The following CEP83 variants were observed in gnomAD, a reference collection of about 807,000 sequenced individuals.
CEP83 encodes the protein centrosomal protein 83.
CEP83 carries 70 observed loss-of-function variants against 101.9 expected under a neutral mutation model. The observed-to-expected ratio is 0.69, with a 90% CI of 0.57 to 0.84. CEP83 has a LOEUF of 0.84. CEP83 is among the 40% of genes least tolerant of loss of function. The probability of loss-of-function intolerance (pLI) is 0.00; values close to 1 mark genes in which losing one functional copy is unlikely to be tolerated. For synonymous variants in CEP83, 264 were observed against 267.9 expected, an observed-to-expected ratio of 0.99 and a Z score of 0.14; for missense variants, 715 against 787.2, an observed-to-expected ratio of 0.91 and a Z score of 1.10.
chr12:94,412,369 C>T lies in CEP83; in HGVS notation c.122G>A (p.Arg41Gln), dbSNP rs1288256034. 4 of 1,613,158 alleles carry T rather than the reference C, an allele frequency of 2.5e-6. No homozygotes were observed. Among genetic ancestry groups the T allele is most frequent in the East Asian group, 2.2e-5 (1 of 44,806 alleles). The change falls in exon 3 of 17, where the codon CGA becomes CAA. Residue 41 changes from arginine (R) to glutamine (Q), a missense_variant. Transcript: ENST00000397809. ...FQKMLIDERL[R>Q]CEHHKANYQT... ...ATAATTAGCTTTATGATGCTCACAT[C>T]GTAACCTTTCATCAATTAACATTTT...
chr12:94,286,616 C>CAAA, the CEP83 span, among the ~76,000 whole-genome samples: 22 of 101,396 alleles, frequency 2.2e-4, no homozygotes, highest in African/African-American at 6.0e-4. Context: ...TGCTTAAAAG[C>CAAA]AAAAAAAAAA....
chr12:94,397,350 T>C (rs972950420), intron 6 of CEP83, among the ~76,000 whole-genome samples: 2 of 151,992 alleles, frequency 1.3e-5, no homozygotes, highest in Non-Finnish European at 2.9e-5. Context: ...AATACAATAA[T>C]TAGCCAGGCA....
intron 2 of CEP83, among the ~76,000 whole-genome samples, chr12:94,429,621 A>T (rs2065468925): frequency 6.6e-6 from 1 of 152,154 alleles, no homozygotes; most frequent in African/African-American, 2.4e-5. Context: ...CTCTGGCTCC[A>T]ATCTCAGCCA....
intron 2 of CEP83, among the ~76,000 whole-genome samples, chr12:94,430,661 A>C (rs905408974): frequency 1.1e-4 from 17 of 152,220 alleles, no homozygotes; most frequent in Non-Finnish European, 1.0e-4. Context: ...TCAGAGTCTC[A>C]TAAGGCAAAG....
At chr12:94,448,574 T>C (rs912361479) in intron 1 of CEP83, among the ~76,000 whole-genome samples, 4 of 152,006 alleles carry the variant, frequency 2.6e-5, no homozygotes, top group African/African-American at 9.7e-5. Context: ...ATTGAACTCA[T>C]AAAAAATGTG....
chr12:94,375,664 GAACTA>G (rs1294398214), intron 8 of CEP83, among the ~76,000 whole-genome samples: 1 of 152,048 alleles, frequency 6.6e-6, no homozygotes, highest in Non-Finnish European at 1.5e-5. Context: ...TCAATACAGA[GAACTA>G]AACACAAAAT....
chr12:94,335,730 A>G, intron 11 of CEP83, 66 bp from the exon 12 acceptor site: 1 of 1,077,144 alleles, frequency 9.3e-7, no homozygotes, highest in Non-Finnish European at 1.4e-6. Flanking sequence ...CACTGAATTA[A>G]AGAGTCATTT....
At chr12:94,376,749 T>TA (rs1566025814) in intron 7 of CEP83, among the ~76,000 whole-genome samples, 6 of 126,086 alleles carry the variant, frequency 4.8e-5, no homozygotes, top group African/African-American at 1.8e-4. Flanking sequence ...ATATATATAT[T>TA]TTTTTTTTGA....
At chr12:94,359,546 G>A (rs573888149) in intron 11 of CEP83, among the ~76,000 whole-genome samples, 1 of 152,100 alleles carries the variant, frequency 6.6e-6, no homozygotes, top group South Asian at 2.1e-4. Context: ...TGGATAAATT[G>A]CTAAACACAC....
At chr12:94,320,619 A>G (rs1168549757) in intron 14 of CEP83, among the ~76,000 whole-genome samples, 3 of 152,148 alleles carry the variant, frequency 2.0e-5, no homozygotes, top group Non-Finnish European at 4.4e-5. Flanking sequence ...GTATTTGCTT[A>G]TCTAAAAAGG....
intron 6 of CEP83, among the ~76,000 whole-genome samples, chr12:94,383,052 T>A (rs959012387): frequency 2.0e-5 from 3 of 152,080 alleles, no homozygotes; most frequent in Non-Finnish European, 4.4e-5. Context: ...CTGGTGCACA[T>A]ACATTTAGTA....
intron 1 of CEP83, among the ~76,000 whole-genome samples, chr12:94,439,864 C>G (rs2066270374): frequency 6.6e-6 from 1 of 152,202 alleles, no homozygotes; most frequent in African/African-American, 2.4e-5. Context: ...GGTTTTATAC[C>G]AGGGATGCAG....
intron 11 of CEP83, among the ~76,000 whole-genome samples, chr12:94,350,049 ATT>A (rs1370349897): frequency 6.6e-6 from 1 of 152,218 alleles, no homozygotes; most frequent in Non-Finnish European, 1.5e-5. Context: ...AAGATTCAAT[ATT>A]GTTGAGATGT....
intron 14 of CEP83, among the ~76,000 whole-genome samples, chr12:94,313,525 A>AT (rs1268523490): frequency 1.2e-4 from 12 of 99,702 alleles, no homozygotes; most frequent in African/African-American, 2.6e-4. Flanking sequence ...TCAAGAACCC[A>AT]TTAAAAAAAA....
At chr12:94,424,404 C>T in intron 2 of CEP83, 1 of 1,614,046 alleles carries the variant, frequency 6.2e-7, no homozygotes, top group South Asian at 1.1e-5. Context: ...ATGATGGCTT[C>T]ACACTTCTCT....
At chr12:94,389,917 G>T (rs1408729135) in intron 6 of CEP83, among the ~76,000 whole-genome samples, 2 of 152,174 alleles carry the variant, frequency 1.3e-5, no homozygotes, top group Admixed American at 1.3e-4. Flanking sequence ...GCAGGGGGAG[G>T]GGTGTCCCCC....
intron 6 of CEP83, among the ~76,000 whole-genome samples, chr12:94,389,679 G>A (rs530225952): frequency 1.2e-4 from 18 of 152,316 alleles, no homozygotes; most frequent in East Asian, 9.6e-4. Flanking sequence ...CACCTCACCC[G>A]GGAAGTGCAA....
chr12:94,431,399 T>C (rs1399942918), intron 2 of CEP83, among the ~76,000 whole-genome samples: 2 of 151,994 alleles, frequency 1.3e-5, no homozygotes, highest in Non-Finnish European at 2.9e-5. Context: ...ATAGTATGGC[T>C]AACACTTCAA....
the CEP83 span, among the ~76,000 whole-genome samples, chr12:94,294,231 C>T: frequency 2.2e-4 from 33 of 152,280 alleles, no homozygotes; most frequent in Admixed American, 2.6e-4. Flanking sequence ...CCACCTTCTG[C>T]GTACTACCCC....
Sources: gnomAD v4.1 joint callset for allele counts (sites outside exome capture counted in the v4.1 genomes callset) on GRCh38, gnomAD v4.1.1 for gene constraint, MANE v1.5 for transcripts, NCBI Gene and HGNC (gene_info 2026-07-23, HGNC 2026-07-21) for gene names.